Variants in MYT1L observed in about 807,000 individuals in gnomAD.
The protein encoded by MYT1L is myelin transcription factor 1 like.
Under a neutral mutation model 126.7 loss-of-function variants are expected in MYT1L, and 12 were observed. The ratio of observed to expected loss-of-function variants is 0.09; its 90% CI spans 0.06 to 0.15. The LOEUF (loss-of-function observed/expected upper bound fraction) is 0.15, where lower values mean the gene tolerates loss of function less well. Ranked by LOEUF, MYT1L falls within the 10% of genes least tolerant of loss-of-function variation. MYT1L has a pLI of 1.00. For missense variants in MYT1L, 979 were observed against 1,585.2 expected, an observed-to-expected ratio of 0.62 and a Z score of 6.49; for synonymous variants, 541 against 604.2, an observed-to-expected ratio of 0.90 and a Z score of 1.53.
At chr2:2,191,817 C>T (rs80115826) in intron 2 of MYT1L, among the ~76,000 whole-genome samples, 1,745 of 152,260 alleles carry the variant, frequency 0.011, 40 homozygotes, top group African/African-American at 0.039. Context: ...AGAAGATGGC[C>T]TAGAGGAAGA....
intron 3 of MYT1L, among the ~76,000 whole-genome samples, chr2:2,159,971 C>A (rs981707302): frequency 6.6e-6 from 1 of 152,098 alleles, no homozygotes. Flanking sequence ...TGCGATAGCA[C>A]CCAGGTCTGT....
intron 2 of MYT1L, among the ~76,000 whole-genome samples, chr2:2,281,016 G>C (rs1396275328): frequency 1.3e-5 from 2 of 152,168 alleles, no homozygotes; most frequent in Non-Finnish European, 2.9e-5. Flanking sequence ...TGGTTTGGCT[G>C]TGTCCCCACC....
chr2:2,255,626 T>G (rs2094787300), intron 2 of MYT1L, among the ~76,000 whole-genome samples: 1 of 152,196 alleles, frequency 6.6e-6, no homozygotes, highest in Non-Finnish European at 1.5e-5. Context: ...CACTTGAACA[T>G]AAAACATTTA....
In MYT1L at chr2:2,125,178, C is replaced by T. The variant is rs905925278; in HGVS notation, c.-304+47694G>A. 2.6e-5 allele frequency among the ~76,000 whole-genome samples: 4 copies of T among 152,146 alleles called. No homozygotes were observed. The East Asian group carries it at 7.7e-4, about 29-fold the overall frequency. ...TAAACTACCCAGGGGCAGTTCGACA[C>T]CTTGGTGTCTCACACACACCTGCCA... On this transcript the variant is annotated intron_variant, in intron 3 of 24. Coordinates refer to ENST00000647738, the MANE Select transcript of MYT1L (RefSeq NM_001303052.2).
At chr2:2,073,067 G>C (rs1333421693) in intron 3 of MYT1L, among the ~76,000 whole-genome samples, 1 of 152,086 alleles carries the variant, frequency 6.6e-6, no homozygotes, top group African/African-American at 2.4e-5. Flanking sequence ...TTTCATAAGG[G>C]CACTAATGAC....
chr2:2,283,248 C>G (rs1244884989), intron 2 of MYT1L, among the ~76,000 whole-genome samples: 5 of 152,174 alleles, frequency 3.3e-5, no homozygotes. Flanking sequence ...GTGGTTGTCA[C>G]TGAATTTTTG....
chr2:2,192,529 C>T (rs1323389830), intron 2 of MYT1L, among the ~76,000 whole-genome samples: 6 of 151,934 alleles, frequency 3.9e-5, no homozygotes, highest in Admixed American at 2.6e-4. Flanking sequence ...GCGTACAATA[C>T]GGAGAGCGTC....
intron 2 of MYT1L, among the ~76,000 whole-genome samples, chr2:2,177,370 A>C (rs1331922085): frequency 3.9e-5 from 6 of 152,252 alleles, no homozygotes; most frequent in Admixed American, 3.9e-4. Context: ...TGTGGTAAAT[A>C]GGCAATCTAA....
chr2:2,011,854 G>A (rs1301304487), intron 4 of MYT1L, among the ~76,000 whole-genome samples: 1 of 152,204 alleles, frequency 6.6e-6, no homozygotes, highest in African/African-American at 2.4e-5. Context: ...ATGTCCAGAA[G>A]CAAACATGAG....
chr2:2,186,148 C>T (rs1383052824), intron 2 of MYT1L, among the ~76,000 whole-genome samples: 6 of 137,776 alleles, frequency 4.4e-5, no homozygotes, highest in African/African-American at 1.5e-4. Context: ...GGGACGCAGC[C>T]GGGCCTCCCA....
intron 1 of MYT1L, among the ~76,000 whole-genome samples, chr2:2,290,009 G>T (rs980756471): frequency 1.3e-5 from 2 of 152,204 alleles, no homozygotes; most frequent in African/African-American, 4.8e-5. Context: ...TAGCAGGGCT[G>T]GGATCCCCAG....
intron 3 of MYT1L, among the ~76,000 whole-genome samples, chr2:2,171,769 T>C (rs2148535515): frequency 6.6e-6 from 1 of 152,302 alleles, no homozygotes; most frequent in African/African-American, 2.4e-5. Context: ...AACTGTGACC[T>C]ATTACAGCAG....
At chr2:2,043,064 G>A (rs181838256) in intron 4 of MYT1L, among the ~76,000 whole-genome samples, 3 of 152,246 alleles carry the variant, frequency 2.0e-5, no homozygotes, top group Admixed American at 6.5e-5. Context: ...GACTCAAAGC[G>A]ACACCCTGAT....
At chr2:2,021,698 C>A (rs1336249764) in intron 4 of MYT1L, among the ~76,000 whole-genome samples, 1 of 152,136 alleles carries the variant, frequency 6.6e-6, no homozygotes, top group Non-Finnish European at 1.5e-5. Context: ...GAGATTGAGA[C>A]CATCCTGGCT....
At chr2:2,005,234 T>C (rs1049540531) in intron 4 of MYT1L, among the ~76,000 whole-genome samples, 2 of 150,458 alleles carry the variant, frequency 1.3e-5, no homozygotes, top group Admixed American at 6.6e-5. Context: ...CTGCGTGCCT[T>C]CTCTCCTGCA....
chr2:1,800,890 C>T (rs1025296714), intron 23 of MYT1L, among the ~76,000 whole-genome samples: 5 of 151,698 alleles, frequency 3.3e-5, no homozygotes, highest in African/African-American at 1.2e-4. Flanking sequence ...TGGGGAGGGG[C>T]CAGAATGGAG....
At chr2:1,885,193 T>G (rs1195384543) in intron 18 of MYT1L, 2 of 152,256 alleles carry the variant, frequency 1.3e-5, no homozygotes, top group African/African-American at 4.8e-5. Flanking sequence ...AAGTTCCAAG[T>G]GGAGTTAGTC....
intron 2 of MYT1L, among the ~76,000 whole-genome samples, chr2:2,277,251 T>C (rs2095375684): frequency 6.6e-6 from 1 of 152,186 alleles, no homozygotes; most frequent in Non-Finnish European, 1.5e-5. Context: ...ATTACAGGCG[T>C]GAGCCACCTT....
chr2:2,284,454 C>G lies in MYT1L; in HGVS notation c.-471G>C, dbSNP rs1386144276. ...AACGTGGATTGGACAAACGTCCAGG[C>G]AACAGCCGCACACACCTCGTCCTTG... On this transcript the variant is annotated 5_prime_UTR_variant, in exon 2 of 25. Transcript: ENST00000647738. The G allele has an allele frequency of 1.3e-5, 2 of 152,262 alleles. No individual in the cohort carries two copies. Among genetic ancestry groups the G allele is most frequent in the African/African-American group, 4.8e-5 (2 of 41,436 alleles). The allele number at this position is 152,262 out of a possible 1,614,324, so 9.4% of individuals were successfully genotyped here.
Sources: allele counts gnomAD v4.1 joint callset (sites outside exome capture counted in the v4.1 genomes callset), GRCh38; gene constraint gnomAD v4.1.1; transcripts MANE v1.5; gene names NCBI Gene and HGNC (gene_info 2026-07-23, HGNC 2026-07-21).